The following PPP2R2B variants were observed in gnomAD, a reference collection of about 807,000 sequenced individuals.
PPP2R2B encodes the protein serine/threonine-protein phosphatase 2A 55 kDa regulatory subunit B beta isoform.
PPP2R2B carries 5 observed loss-of-function variants against 46.0 expected under a neutral mutation model. The observed-to-expected ratio is 0.11, with a 90% confidence interval of 0.06 to 0.23. PPP2R2B has a LOEUF of 0.23. PPP2R2B is among the 10% of genes least tolerant of loss of function. PPP2R2B has a pLI of 1.00. For missense variants in PPP2R2B, 367 were observed against 575.0 expected (o/e 0.64, Z 3.70); for synonymous variants, 215 against 206.7 (o/e 1.04, Z -0.34).
At chr5:146,622,977 A>T (rs1183034235) in intron 7 of PPP2R2B, among the ~76,000 whole-genome samples, 2 of 152,342 alleles carry the variant, frequency 1.3e-5, no homozygotes, top group African/African-American at 2.4e-5. Flanking sequence ...GTATTCTGAG[A>T]TACATATCAC....
intron 2 of PPP2R2B, among the ~76,000 whole-genome samples, chr5:146,811,277 C>T (rs906168132): frequency 2.6e-5 from 4 of 152,042 alleles, no homozygotes; most frequent in Non-Finnish European, 2.9e-5. Context: ...GGATTACAGG[C>T]GTGAGCCACG....
intron 1 of PPP2R2B, among the ~76,000 whole-genome samples, chr5:146,924,122 A>T (rs1298439651): frequency 6.6e-6 from 1 of 152,210 alleles, no homozygotes; most frequent in African/African-American, 2.4e-5. Context: ...ACTAATGGGT[A>T]CTAGGCTTAA....
rs193216600 is a variant in PPP2R2B at position 147,035,072 on chromosome 5, C to T, written c.79+20593G>A. 5 of 454,812 alleles carry T rather than the reference C, an allele frequency of 1.1e-5. No homozygotes were observed. The East Asian group carries it at 3.5e-4, about 32-fold the overall frequency. The allele number at this position is 454,812 out of a possible 1,614,324, so 28.2% of individuals were successfully genotyped here. On this transcript the variant is annotated intron_variant, in intron 1 of 8. Coordinates refer to the PPP2R2B transcript ENST00000336640. ...TGAACTCAGCTCATTTAACATCATTCCCAGAAGGAAGGTGCATTAGTTCGT... is the reference window on the plus strand; with the variant it reads ...TGAACTCAGCTCATTTAACATCATTTCCAGAAGGAAGGTGCATTAGTTCGT...
At chr5:146,603,250 G>A (rs1374880969) in intron 7 of PPP2R2B, among the ~76,000 whole-genome samples, 2 of 152,120 alleles carry the variant, frequency 1.3e-5, no homozygotes, top group Non-Finnish European at 2.9e-5. Context: ...GAGAATTTGG[G>A]ACCAAGGAGT....
intron 1 of PPP2R2B, among the ~76,000 whole-genome samples, chr5:146,903,077 A>G (rs1762886532): frequency 1.3e-5 from 2 of 152,228 alleles, no homozygotes; most frequent in Non-Finnish European, 1.5e-5. Context: ...CCTGTCTTCT[A>G]TTAAGCCAGA....
chr5:146,860,443 A>T (rs1760917185), intron 2 of PPP2R2B, among the ~76,000 whole-genome samples: 1 of 152,192 alleles, frequency 6.6e-6, no homozygotes, highest in African/African-American at 2.4e-5. Flanking sequence ...CACAGAAAAC[A>T]CACCACACTT....
At chr5:147,017,952 G>T (rs575607170) in intron 1 of PPP2R2B, among the ~76,000 whole-genome samples, 7 of 151,962 alleles carry the variant, frequency 4.6e-5, no homozygotes, top group African/African-American at 1.7e-4. Context: ...TAAGTTAGAA[G>T]ATGATAAAGA....
At chr5:146,845,643 A>C (rs953257602) in intron 2 of PPP2R2B, among the ~76,000 whole-genome samples, 2 of 152,190 alleles carry the variant, frequency 1.3e-5, no homozygotes, top group African/African-American at 4.8e-5. Context: ...TCAGCTCATG[A>C]TTAGAGCTCC....
intron 1 of PPP2R2B, chr5:146,922,496 C>G (rs1763640415): frequency 6.6e-6 from 1 of 152,166 alleles, no homozygotes; most frequent in Non-Finnish European, 1.5e-5. Flanking sequence ...TTCTTGGCAT[C>G]TCCTCCCAGC....
chr5:146,867,847 C>T (rs1353830129), intron 2 of PPP2R2B, among the ~76,000 whole-genome samples: 1 of 152,160 alleles, frequency 6.6e-6, no homozygotes, highest in Non-Finnish European at 1.5e-5. Context: ...TAGCACTTGG[C>T]AATAAATAAT....
intron 5 of PPP2R2B, among the ~76,000 whole-genome samples, chr5:146,683,055 G>A (rs933459655): frequency 3.3e-5 from 5 of 152,106 alleles, no homozygotes; most frequent in East Asian, 3.9e-4. Flanking sequence ...CGAGAAATAC[G>A]GGTGGGTGTC....
Position 146,645,471 on chromosome 5 carries a change from C to T in PPP2R2B, c.625+5076G>A, listed in dbSNP as rs951363153. The stretch of plus-strand genomic sequence containing the variant: ...GGTGTCATATTAAATATGTATTGGG[C>T]AGGGTGAAAGCCACTGAAGCAGCAA... On this transcript the variant is annotated intron_variant, in intron 6 of 9. Coordinates refer to ENST00000394411, the MANE Select transcript of PPP2R2B (RefSeq NM_181675.4). 2.6e-5 allele frequency among the ~76,000 whole-genome samples: 4 copies of T among 152,116 alleles called. No homozygotes were observed. The East Asian group carries it at 7.7e-4, about 29-fold the overall frequency.
chr5:147,011,626 T>C (rs2199840), intron 1 of PPP2R2B, among the ~76,000 whole-genome samples: 38,819 of 149,428 alleles, frequency 0.26, 5,724 homozygotes, highest in African/African-American at 0.4. Context: ...TGAATAGGAG[T>C]GGTGAGAGAG....
At chr5:146,606,233 T>C (rs1240599694) in intron 7 of PPP2R2B, among the ~76,000 whole-genome samples, 1 of 152,064 alleles carries the variant, frequency 6.6e-6, no homozygotes, top group Non-Finnish European at 1.5e-5. Flanking sequence ...TGTTGCTGGG[T>C]GTGGCTCCTT....
chr5:146,638,389 T>C lies in PPP2R2B; in HGVS notation c.652A>G (p.Met218Val). 6.2e-7 allele frequency: 1 copy of C among 1,611,440 alleles called. No homozygotes were observed. Among genetic ancestry groups the C allele is most frequent in the Non-Finnish European group, 8.5e-7 (1 of 1,177,874 alleles). Reference protein sequence around the residue: ...FNIVDIKPANMEELTEVITAA... With the variant: ...FNIVDIKPANVEELTEVITAA... ...GTGATCACCTCCGTGAGCTCCTCCATGTTGGCTGGCTTAATGTCCACAATA... is the reference window on the plus strand; with the variant it reads ...GTGATCACCTCCGTGAGCTCCTCCACGTTGGCTGGCTTAATGTCCACAATA... The change falls in exon 7 of 10, where the codon ATG (methionine) becomes GTG (valine). Residue 218 changes from methionine to valine, a missense_variant. By Grantham distance (21) the Met-to-Val change is conservative. This residue lies in a region of PPP2R2B where 361 missense variants were observed against 545.5 expected (regional missense o/e 0.66). Coordinates refer to ENST00000394411, the MANE Select transcript of PPP2R2B (RefSeq NM_181675.4).
At chr5:147,066,923 G>A (rs1177003238) in intron 2 of PPP2R2B, among the ~76,000 whole-genome samples, 3 of 152,074 alleles carry the variant, frequency 2.0e-5, no homozygotes, top group Non-Finnish European at 2.9e-5. Context: ...CCACACCAAG[G>A]CCCTTGGTGG....
chr5:146,966,146 G>A (rs1345236208), intron 1 of PPP2R2B, among the ~76,000 whole-genome samples: 3 of 152,218 alleles, frequency 2.0e-5, no homozygotes, highest in Non-Finnish European at 1.5e-5. Context: ...CGTAGTTGGT[G>A]TTCTTAGCTA....
intron 7 of PPP2R2B, among the ~76,000 whole-genome samples, chr5:146,626,998 C>T (rs947582166): frequency 1.3e-5 from 2 of 152,014 alleles, no homozygotes; most frequent in African/African-American, 2.4e-5. Flanking sequence ...TATTTTTATT[C>T]GATGGCTTGG....
intron 2 of PPP2R2B, among the ~76,000 whole-genome samples, chr5:146,875,858 C>T (rs188708753): frequency 3.3e-5 from 5 of 152,298 alleles, no homozygotes. Flanking sequence ...ACTAACACTT[C>T]TTAAGGAATT....
Sources: gnomAD v4.1 joint callset for allele counts (sites outside exome capture counted in the v4.1 genomes callset) on GRCh38, gnomAD v4.1.1 for gene constraint, gnomAD v4.1.1 regional missense constraint, MANE v1.5 for transcripts, NCBI Gene and HGNC (gene_info 2026-07-23, HGNC 2026-07-21) for gene names.